B3GALT1: variants seen among roughly 807,000 people sequenced by gnomAD.
The protein encoded by B3GALT1 is UDP-Gal:betaGlcNAc beta 1,3-galactosyltransferase, polypeptide 1.
A neutral mutation model predicts 23.2 loss-of-function variants in B3GALT1; 10 were observed. That is an observed-to-expected ratio of 0.43 (90% confidence interval 0.27 to 0.73). The LOEUF (loss-of-function observed/expected upper bound fraction) is 0.73. Ranked by LOEUF, B3GALT1 falls within the 30% of genes least tolerant of loss-of-function variation. The pLI is 0.21. For synonymous variants in B3GALT1, 156 were observed against 141.5 expected, an observed-to-expected ratio of 1.10 and a Z score of -0.73; for missense variants, 299 against 405.4, an observed-to-expected ratio of 0.74 and a Z score of 2.25.
intron 3 of B3GALT1, among the ~76,000 whole-genome samples, chr2:167,681,397 A>C (rs1217195263): frequency 6.6e-6 from 1 of 152,122 alleles, no homozygotes; most frequent in African/African-American, 2.4e-5. Context: ...ATTTCTCCAA[A>C]GTCAAACTGA....
chr2:167,423,894 G>A (rs576377915), intron 1 of B3GALT1, among the ~76,000 whole-genome samples: 47 of 152,220 alleles, frequency 3.1e-4, no homozygotes, highest in African/African-American at 1.1e-3. Context: ...ACAGTGCCTG[G>A]GGAGATACTC....
At chr2:167,539,461 A>T (rs2105372846) in intron 2 of B3GALT1, among the ~76,000 whole-genome samples, 1 of 152,330 alleles carries the variant, frequency 6.6e-6, no homozygotes, top group Admixed American at 6.5e-5. Context: ...TGAATAATGC[A>T]TTACTTTGCA....
chr2:167,389,939 A>G (rs1697993406), intron 1 of B3GALT1, among the ~76,000 whole-genome samples: 1 of 139,430 alleles, frequency 7.2e-6, no homozygotes, highest in East Asian at 2.0e-4. Context: ...AAAAAAAAAG[A>G]AAGAAAAGAA....
chr2:167,420,964 C>A (rs888771389), intron 1 of B3GALT1, among the ~76,000 whole-genome samples: 2 of 152,066 alleles, frequency 1.3e-5, no homozygotes, highest in Admixed American at 6.6e-5. Flanking sequence ...ACTAATGTCA[C>A]CAGCTAGACA....
At chr2:167,837,044 G>A (rs1170243790) in intron 4 of B3GALT1, among the ~76,000 whole-genome samples, 2 of 152,110 alleles carry the variant, frequency 1.3e-5, no homozygotes, top group African/African-American at 4.8e-5. Flanking sequence ...ACATGGAAAG[G>A]AACAACCGGT....
chr2:167,503,048 T>G lies in B3GALT1; in HGVS notation c.-410+12771T>G, dbSNP rs377612655. On this transcript the variant is annotated intron_variant, in intron 2 of 4. Coordinates refer to ENST00000392690, the MANE Select transcript of B3GALT1 (RefSeq NM_020981.4). ...GAGCAAAACTCTGTCTCAAAAAATATATATAAAAATAAAAAATAAATAAAA... is the reference window on the plus strand; with the variant it reads ...GAGCAAAACTCTGTCTCAAAAAATAGATATAAAAATAAAAAATAAATAAAA... Among the ~76,000 whole-genome samples the G allele has an allele frequency of 3.9e-5, 6 of 151,918 alleles. No individual in the cohort carries two copies. The South Asian group carries it at 8.3e-4, about 21-fold the overall frequency.
intron 2 of B3GALT1, among the ~76,000 whole-genome samples, chr2:167,522,874 A>G (rs1050404215): frequency 3.9e-5 from 6 of 152,188 alleles, no homozygotes; most frequent in African/African-American, 1.4e-4. Context: ...GTGCCTATAG[A>G]TTCCTATAGG....
intron 1 of B3GALT1, among the ~76,000 whole-genome samples, chr2:167,466,395 A>C (rs1216236107): frequency 6.6e-6 from 1 of 151,984 alleles, no homozygotes; most frequent in African/African-American, 2.4e-5. Context: ...AGGAGGGTGG[A>C]TCACCTGAGG....
chr2:167,512,614 A>C (rs1397333504), intron 2 of B3GALT1, among the ~76,000 whole-genome samples: 1 of 91,570 alleles, frequency 1.1e-5, no homozygotes, highest in Admixed American at 1.1e-4. Flanking sequence ...ATATGTATAT[A>C]TATATACGTG....
chr2:167,583,232 C>T (rs1316792736), intron 2 of B3GALT1, among the ~76,000 whole-genome samples: 3 of 152,136 alleles, frequency 2.0e-5, no homozygotes, highest in Non-Finnish European at 2.9e-5. Flanking sequence ...TTCCTTTTGT[C>T]CCCCCTTGTC....
chr2:167,817,276 G>A (rs1025936961), intron 3 of B3GALT1, among the ~76,000 whole-genome samples: 3 of 152,278 alleles, frequency 2.0e-5, no homozygotes, highest in East Asian at 3.9e-4. Context: ...GAGGATTGTG[G>A]AGATGATGAC....
chr2:167,863,616 A>G (rs1309486148), intron 4 of B3GALT1, among the ~76,000 whole-genome samples: 3 of 152,224 alleles, frequency 2.0e-5, no homozygotes, highest in African/African-American at 7.2e-5. Flanking sequence ...TATCCAACTT[A>G]CATGAAATGA....
chr2:167,465,520 A>G (rs567803248), intron 1 of B3GALT1, among the ~76,000 whole-genome samples: 1 of 152,292 alleles, frequency 6.6e-6, no homozygotes, highest in Non-Finnish European at 1.5e-5. Flanking sequence ...CAGAAAGGGC[A>G]GACAGGGCAA....
chr2:167,615,946 G>A (rs1421820243), intron 2 of B3GALT1, among the ~76,000 whole-genome samples: 1 of 152,034 alleles, frequency 6.6e-6, no homozygotes, highest in East Asian at 1.9e-4. Context: ...CAGCACACAG[G>A]TAGATTGGCT....
At chr2:167,506,231 T>G (rs1699915713) in intron 2 of B3GALT1, among the ~76,000 whole-genome samples, 1 of 152,188 alleles carries the variant, frequency 6.6e-6, no homozygotes, top group South Asian at 2.1e-4. Flanking sequence ...GCTGGCAGAT[T>G]TTTTGATGTG....
At chr2:167,453,977 A>G (rs1699128859) in intron 1 of B3GALT1, among the ~76,000 whole-genome samples, 1 of 152,224 alleles carries the variant, frequency 6.6e-6, no homozygotes, top group Non-Finnish European at 1.5e-5. Context: ...TTTTTAGATT[A>G]GACTCTTGCA....
At chr2:167,733,913 C>G (rs1385881155) in intron 3 of B3GALT1, among the ~76,000 whole-genome samples, 1 of 152,126 alleles carries the variant, frequency 6.6e-6, no homozygotes, top group African/African-American at 2.4e-5. Context: ...GATGTTATGA[C>G]CAAATTCACT....
At chr2:167,602,978 C>A (rs1684901290) in intron 2 of B3GALT1, among the ~76,000 whole-genome samples, 1 of 152,112 alleles carries the variant, frequency 6.6e-6, no homozygotes, top group Non-Finnish European at 1.5e-5. Context: ...TGAGTGAAGC[C>A]ACCACCTTAC....
At chr2:167,796,455 A>G (rs1366462058) in intron 3 of B3GALT1, among the ~76,000 whole-genome samples, 3 of 152,158 alleles carry the variant, frequency 2.0e-5, no homozygotes, top group Admixed American at 6.5e-5. Flanking sequence ...AAAACATATG[A>G]AAGTTTTATA....
Sources: allele counts gnomAD v4.1 joint callset (sites outside exome capture counted in the v4.1 genomes callset), GRCh38; gene constraint gnomAD v4.1.1; transcripts MANE v1.5; gene names NCBI Gene and HGNC (gene_info 2026-07-23, HGNC 2026-07-21).